Variants in SNTA1 observed in about 807,000 individuals in gnomAD.
The protein encoded by SNTA1 is alpha-1-syntrophin.
A neutral mutation model predicts 47.1 loss-of-function variants in SNTA1; 31 were observed. The observed-to-expected ratio is 0.66, with a 90% CI of 0.49 to 0.89. The LOEUF is 0.89. SNTA1 is among the 40% of genes least tolerant of loss of function. SNTA1 has a pLI of 0.00. For missense variants in SNTA1, 575 were observed against 693.0 expected (o/e 0.83, Z 1.91); for synonymous variants, 300 against 313.6 (o/e 0.96, Z 0.46).
chr20:33,426,751 TCAAA>T (rs201825720), intron 2 of SNTA1, among the ~76,000 whole-genome samples: 2,431 of 150,810 alleles, frequency 0.016, 58 homozygotes, highest in African/African-American at 0.055. Context: ...GACAGACATC[TCAAA>T]CAAACAAACA....
At chr20:33,426,071 G>A (rs112113256) in intron 2 of SNTA1, among the ~76,000 whole-genome samples, 1,717 of 149,464 alleles carry the variant, frequency 0.011, 33 homozygotes, top group African/African-American at 0.04. Context: ...GCAAGACTCC[G>A]TCTCAATCAA....
At position 33,408,278 on chromosome 20, in the gene SNTA1, G is replaced by A. The variant is rs878935376; in HGVS notation, c.*229C>T. 163 of 587,366 alleles carry A rather than the reference G, an allele frequency of 2.8e-4. 1 individual carries two copies. The South Asian group carries it at 3.1e-3, about 11-fold the overall frequency. The allele number at this position is 587,366 out of a possible 1,614,324, so 36.4% of individuals were successfully genotyped here. A position where few individuals can be genotyped will look rare whatever the true frequency, so the allele number is the denominator to read the frequency against. ...ATATCTCTCTGCAAAAGGCACTGGT[G>A]GAGGGGGGCAGCAGGAAGGCCACCC... On this transcript the variant is annotated 3_prime_UTR_variant, in exon 8 of 8. Transcript: ENST00000217381.
chr20:33,440,478 T>TAC (rs1300874715), intron 1 of SNTA1, among the ~76,000 whole-genome samples: 15 of 150,338 alleles, frequency 1.0e-4, no homozygotes, highest in Non-Finnish European at 7.4e-5. Context: ...AATAAATAAA[T>TAC]AAATACAAAC....
intron 2 of SNTA1, among the ~76,000 whole-genome samples, chr20:33,429,030 G>C (rs1990231144): frequency 6.6e-6 from 1 of 151,520 alleles, no homozygotes; most frequent in Non-Finnish European, 1.5e-5. Context: ...AACAAAGCAA[G>C]ACTCGGTCTC....
At chr20:33,443,165 G>A in intron 1 of SNTA1, 146 bp downstream of exon 1, 1 of 506,920 alleles carries the variant, frequency 2.0e-6, no homozygotes, top group East Asian at 3.9e-5. Context: ...GGTGTGCCCA[G>A]TGCCCTCCGT....
At chr20:33,429,919 T>C (rs1990259988) in intron 2 of SNTA1, among the ~76,000 whole-genome samples, 1 of 152,196 alleles carries the variant, frequency 6.6e-6, no homozygotes, top group South Asian at 2.1e-4. Context: ...TGTGCCACCA[T>C]GCCTGGCTAA....
At chr20:33,429,334 T>TA (rs35077145) in intron 2 of SNTA1, among the ~76,000 whole-genome samples, 370 of 25,120 alleles carry the variant, frequency 0.015, 13 homozygotes, top group African/African-American at 0.018. Context: ...AGACTCCACC[T>TA]AAAAAAAAAA....
chr20:33,410,625 C>T (rs1009706916), intron 5 of SNTA1, among the ~76,000 whole-genome samples: 5 of 152,190 alleles, frequency 3.3e-5, no homozygotes, highest in East Asian at 1.9e-4. Flanking sequence ...ATTATCTGCA[C>T]GGCTCACTCC....
intron 3 of SNTA1, among the ~76,000 whole-genome samples, chr20:33,414,776 C>A (rs1051424819): frequency 1.1e-4 from 17 of 152,126 alleles, no homozygotes; most frequent in African/African-American, 3.9e-4. Flanking sequence ...AAGAAGAAAA[C>A]CGCCCATAAT....
intron 3 of SNTA1, among the ~76,000 whole-genome samples, chr20:33,416,704 G>A (rs1823112371): frequency 6.6e-6 from 1 of 152,100 alleles, no homozygotes; most frequent in South Asian, 2.1e-4. Flanking sequence ...ACTTTGGGAG[G>A]CTGAGGCGGG....
intron 2 of SNTA1, among the ~76,000 whole-genome samples, chr20:33,430,672 G>T (rs1278117655): frequency 6.6e-6 from 1 of 151,898 alleles, no homozygotes; most frequent in Admixed American, 6.6e-5. Flanking sequence ...TTTTCGCCGG[G>T]CGCAGTGGCT....
chr20:33,429,523 G>A (rs6119379), intron 2 of SNTA1, among the ~76,000 whole-genome samples: 5,097 of 151,308 alleles, frequency 0.034, 147 homozygotes, highest in African/African-American at 0.076. Flanking sequence ...CTAGCTACTC[G>A]GGAGGCTGAG....
chr20:33,440,979 A>G (rs1323010190), intron 1 of SNTA1, among the ~76,000 whole-genome samples: 1 of 152,254 alleles, frequency 6.6e-6, no homozygotes, highest in East Asian at 1.9e-4. Flanking sequence ...TAGAGTCTAG[A>G]GATTCTAAAA....
chr20:33,426,467 A>C (rs1441412814), intron 2 of SNTA1, among the ~76,000 whole-genome samples: 1 of 149,440 alleles, frequency 6.7e-6, no homozygotes, highest in Non-Finnish European at 1.5e-5. Flanking sequence ...AAAAAAAAAA[A>C]GATTCAGCTG....
intron 3 of SNTA1, among the ~76,000 whole-genome samples, chr20:33,415,643 TAGTC>T (rs1349521725): frequency 4.7e-5 from 7 of 149,546 alleles, no homozygotes; most frequent in East Asian, 2.0e-4. Flanking sequence ...AAAAAAAAAT[TAGTC>T]AGGCATGGCG....
intron 1 of SNTA1, among the ~76,000 whole-genome samples, chr20:33,441,773 T>A (rs1283419347): frequency 6.6e-6 from 1 of 152,158 alleles, no homozygotes; most frequent in African/African-American, 2.4e-5. Context: ...AAGTCCCTGC[T>A]CCTCTCTGAG....
Position 33,410,237 on chromosome 20 carries a change from G to A in SNTA1, c.1135C>T (p.His379Tyr). 6.2e-7 allele frequency: 1 copy of A among 1,613,822 alleles called. No homozygotes were observed. The highest frequency in any genetic ancestry group is 8.5e-7 in the Non-Finnish European group (1 of 1,179,968). The change falls in exon 6 of 8, where the codon CAC becomes TAC. Residue 379 changes from histidine to tyrosine, a missense_variant. Coordinates refer to ENST00000217381, the MANE Select transcript of SNTA1 (RefSeq NM_003098.3). ...TGCGGTGACTCCACGCTGAACAGGT[G>A]AGTGTCCACACCGTGACGCGTGCCC... is the stretch of plus-strand genomic sequence containing the variant. The part of the protein sequence containing the change: ...RTGTRHGVDT[H>Y]LFSVESPQEL...
intron 2 of SNTA1, among the ~76,000 whole-genome samples, chr20:33,430,758 G>A (rs933476387): frequency 6.6e-6 from 1 of 151,702 alleles, no homozygotes; most frequent in Non-Finnish European, 1.5e-5. Flanking sequence ...AGACCAGCCT[G>A]GCTAACATGG....
chr20:33,426,444 CCTT>C (rs1282160779), intron 2 of SNTA1, among the ~76,000 whole-genome samples: 1 of 136,256 alleles, frequency 7.3e-6, no homozygotes, highest in East Asian at 2.2e-4. Context: ...GAGCGAGACT[CCTT>C]CTCCAAAAAA....
Sources: allele counts gnomAD v4.1 joint callset (sites outside exome capture counted in the v4.1 genomes callset), GRCh38; gene constraint gnomAD v4.1.1; transcripts MANE v1.5; gene names NCBI Gene and HGNC (gene_info 2026-07-23, HGNC 2026-07-21).